The following LYPLAL1 variants were observed in gnomAD, a reference collection of about 807,000 sequenced individuals.
LYPLAL1 encodes lysophospholipase like 1, also known as lysophospholipase-like protein 1.
A neutral mutation model predicts 19.7 loss-of-function variants in LYPLAL1; 23 were observed. The ratio of observed to expected loss-of-function variants is 1.17; its 90% CI spans 0.84 to 1.65. LYPLAL1 has a LOEUF of 1.65. Among genes scored for constraint, LYPLAL1 ranks in the 40% most tolerant of loss-of-function variants. LYPLAL1 has a pLI of 0.00. For synonymous variants in LYPLAL1, 119 were observed against 96.3 expected (o/e 1.24, Z -1.38); for missense variants, 355 against 279.4 (o/e 1.27, Z -1.93).
chr1:219,298,080 G>A, the LYPLAL1 span, among the ~76,000 whole-genome samples: 1 of 152,112 alleles, frequency 6.6e-6, no homozygotes, highest in Non-Finnish European at 1.5e-5. Context: ...GAGGCTAAGT[G>A]GGGTGGATTC....
At chr1:219,206,494 C>CT (rs1658577353) in intron 3 of LYPLAL1, among the ~76,000 whole-genome samples, 2 of 151,982 alleles carry the variant, frequency 1.3e-5, no homozygotes, top group South Asian at 4.1e-4. Context: ...GTGTCCTATG[C>CT]TAAAGGTCAT....
At chr1:219,376,574 T>C in the LYPLAL1 span, among the ~76,000 whole-genome samples, 1 of 152,110 alleles carries the variant, frequency 6.6e-6, no homozygotes, top group African/African-American at 2.4e-5. Context: ...TGAGTAGAGG[T>C]TGGCATCCAT....
chr1:219,291,170 G>A, the LYPLAL1 span, among the ~76,000 whole-genome samples: 2 of 152,062 alleles, frequency 1.3e-5, no homozygotes, highest in African/African-American at 2.4e-5. Context: ...AATGGTGTTT[G>A]TTGACAGAAA....
chr1:219,428,097 AT>A, the LYPLAL1 span, among the ~76,000 whole-genome samples: 1 of 152,174 alleles, frequency 6.6e-6, no homozygotes, highest in East Asian at 1.9e-4. Context: ...AGTCAAACTG[AT>A]TTTCCAAAGA....
At chr1:219,230,091 C>G in the LYPLAL1 span, among the ~76,000 whole-genome samples, 2 of 152,132 alleles carry the variant, frequency 1.3e-5, no homozygotes, top group African/African-American at 4.8e-5. Context: ...TTTCACTATT[C>G]AACAACTTAA....
the LYPLAL1 span, among the ~76,000 whole-genome samples, chr1:219,219,306 A>C: frequency 6.6e-6 from 1 of 152,204 alleles, no homozygotes; most frequent in Non-Finnish European, 1.5e-5. Context: ...TAACCAAGGT[A>C]AGCCTCATTT....
the LYPLAL1 span, among the ~76,000 whole-genome samples, chr1:219,413,260 G>A: frequency 6.6e-6 from 1 of 152,258 alleles, no homozygotes; most frequent in East Asian, 1.9e-4. Context: ...TTTCTTGAAA[G>A]GAAATTAAAT....
chr1:219,314,072 T>C, the LYPLAL1 span, among the ~76,000 whole-genome samples: 2,139 of 152,338 alleles, frequency 0.014, 63 homozygotes, highest in Admixed American at 0.083. Flanking sequence ...AGTGAGAACA[T>C]GCAGTATTTT....
At chr1:219,348,004 C>A in the LYPLAL1 span, among the ~76,000 whole-genome samples, 1 of 152,168 alleles carries the variant, frequency 6.6e-6, no homozygotes, top group Non-Finnish European at 1.5e-5. Flanking sequence ...GATTATTGCT[C>A]ATCTGAGGGC....
chr1:219,356,634 T>C, the LYPLAL1 span, among the ~76,000 whole-genome samples: 20 of 152,326 alleles, frequency 1.3e-4, no homozygotes, highest in African/African-American at 4.3e-4. Flanking sequence ...TTGGGGGAAG[T>C]ATATATGAAG....
At chr1:219,268,056 G>A in the LYPLAL1 span, among the ~76,000 whole-genome samples, 2 of 152,194 alleles carry the variant, frequency 1.3e-5, no homozygotes, top group Non-Finnish European at 2.9e-5. Flanking sequence ...TATTTATTAA[G>A]CACTTACTAT....
At chr1:219,348,252 G>A in the LYPLAL1 span, among the ~76,000 whole-genome samples, 1 of 152,248 alleles carries the variant, frequency 6.6e-6, no homozygotes, top group Non-Finnish European at 1.5e-5. Context: ...CCATGGGCCA[G>A]TGGTCATTTC....
the LYPLAL1 span, among the ~76,000 whole-genome samples, chr1:219,399,802 G>A: frequency 6.6e-6 from 1 of 152,176 alleles, no homozygotes; most frequent in African/African-American, 2.4e-5. Context: ...AGACTGCCCA[G>A]TAGAGTTCAG....
the LYPLAL1 span, among the ~76,000 whole-genome samples, chr1:219,262,056 T>G: frequency 6.6e-6 from 1 of 152,234 alleles, no homozygotes; most frequent in East Asian, 1.9e-4. Flanking sequence ...TTGTTCTTTC[T>G]TATTTGACTC....
At chr1:219,219,648 G>A in the LYPLAL1 span, among the ~76,000 whole-genome samples, 29 of 152,158 alleles carry the variant, frequency 1.9e-4, no homozygotes. Context: ...AGAATGAATA[G>A]TGACAACTAT....
At chr1:219,428,939 T>C in the LYPLAL1 span, among the ~76,000 whole-genome samples, 1 of 69,502 alleles carries the variant, frequency 1.4e-5, no homozygotes, top group Admixed American at 1.1e-4. Flanking sequence ...AAAAATTGTG[T>C]GTGCATCTGT....
chr1:219,355,515 AC>A, the LYPLAL1 span, among the ~76,000 whole-genome samples: 1 of 152,230 alleles, frequency 6.6e-6, no homozygotes. Context: ...ATCAAAAAAA[AC>A]AAATCAAGAC....
chr1:219,441,664 G>C, the LYPLAL1 span, among the ~76,000 whole-genome samples: 4 of 152,188 alleles, frequency 2.6e-5, no homozygotes, highest in African/African-American at 9.6e-5. Flanking sequence ...AAACACTTTC[G>C]TAAGGAAAAC....
chr1:219,264,199 C>G, the LYPLAL1 span, among the ~76,000 whole-genome samples: 3 of 152,208 alleles, frequency 2.0e-5, no homozygotes, highest in Non-Finnish European at 2.9e-5. Flanking sequence ...AGAGTCCACT[C>G]TGTTCTAACA....
Sources: gnomAD v4.1 joint callset for allele counts (sites outside exome capture counted in the v4.1 genomes callset) on GRCh38, gnomAD v4.1.1 for gene constraint, MANE v1.5 for transcripts, NCBI Gene and HGNC (gene_info 2026-07-23, HGNC 2026-07-21) for gene names.